Variants in CABP4 observed in about 807,000 individuals in gnomAD.
The protein encoded by CABP4 is calcium-binding protein 4.
In CABP4, 30 loss-of-function variants were observed where a neutral mutation model predicts 30.7. The observed-to-expected ratio is 0.98, with a 90% CI of 0.73 to 1.33. CABP4 has a LOEUF of 1.33. Ranked by LOEUF, CABP4 falls within the 40% of genes most tolerant of loss-of-function variation. The pLI is 0.00. For synonymous variants in CABP4, 161 were observed against 159.2 expected, an observed-to-expected ratio of 1.01 and a Z score of -0.08; for missense variants, 424 against 395.5, an observed-to-expected ratio of 1.07 and a Z score of -0.61.
chr11:67,458,653 C>A lies in CABP4; in HGVS notation c.822C>A (p.Arg274=), dbSNP rs1180725840. The change falls in exon 6 of 6, where the codon CGC becomes CGA. Residue 274 remains arginine (R), a synonymous_variant. Transcript: ENST00000325656. ...CAGAGTTTGTGATGATGCTCTCCCG[C>A]CACTGAGGCTCCAGGAGGGAATATC... ...DFDEFVMMLS[R]H is the part of the protein sequence containing the mutation. 1 of 1,614,050 alleles carries A rather than the reference C, an allele frequency of 6.2e-7. No homozygotes were observed. The highest frequency in any genetic ancestry group is 8.5e-7 in the Non-Finnish European group (1 of 1,180,014).
chr11:67,456,913 C>G (rs919380951), intron 3 of CABP4, among the ~76,000 whole-genome samples: 1 of 152,222 alleles, frequency 6.6e-6, no homozygotes, highest in East Asian at 1.9e-4. Context: ...CTATGCCTTG[C>G]GACTCAGTGT....
intron 3 of CABP4, among the ~76,000 whole-genome samples, chr11:67,456,795 TCACCTGG>T (rs1301188036): frequency 6.6e-6 from 1 of 152,228 alleles, no homozygotes; most frequent in Non-Finnish European, 1.5e-5. Flanking sequence ...CTGATACTAG[TCACCTGG>T]CACCTTCTCT....
upstream of CABP4, chr11:67,453,045 T>G: frequency 5.4e-5 from 13 of 239,954 alleles, no homozygotes; most frequent in Non-Finnish European, 4.9e-5. Flanking sequence ...GACAGGGCCT[T>G]GCTCTATTGC....
chr11:67,455,594 C>T lies in CABP4; in HGVS notation c.171C>T (p.Ser57=). 1 of 1,606,170 alleles carries T rather than the reference C, an allele frequency of 6.2e-7. No homozygotes were observed. Among genetic ancestry groups the T allele is most frequent in the Non-Finnish European group, 8.5e-7 (1 of 1,177,584 alleles). Residue 57 remains serine (S), a synonymous_variant, in exon 1 of 6, where the codon AGC becomes AGT. Transcript: ENST00000325656. ...GLRGSRKRTG[S]SGEQTGPEAP... ...GAGGGTCTCGAAAGCGCACTGGCAG[C>T]TCTGGGGAGCAGACAGGCCCCGAGG...
intron 1 of CABP4, 170 bp downstream of exon 1, chr11:67,455,959 A>G: frequency 8.7e-7 from 1 of 1,152,742 alleles, no homozygotes; most frequent in Non-Finnish European, 1.2e-6. Flanking sequence ...GTCTCGGGCC[A>G]GCGTGGGCGG....
At position 67,455,412 on chromosome 11, in the gene CABP4, T is replaced by C. The variant is rs1264683478; in HGVS notation, c.-12T>C. ...GGGGTGTGGTGTCTCTGAGCCCTGT[T>C]ATCCCTCCCCCATGACCACAGAGCA... On this transcript the variant is annotated 5_prime_UTR_variant, in exon 1 of 6. Transcript: ENST00000325656. 3.7e-6 allele frequency: 6 copies of C among 1,603,034 alleles called. No homozygotes were observed. In the African/African-American group the frequency reaches 4.0e-5, roughly 11 times the overall value.
At chr11:67,457,021 T>G (rs1372009247) in intron 3 of CABP4, among the ~76,000 whole-genome samples, 1 of 152,246 alleles carries the variant, frequency 6.6e-6, no homozygotes, top group Non-Finnish European at 1.5e-5. Flanking sequence ...TTCCTTAAAA[T>G]TCCCAAAATG....
chr11:67,455,344 G>T (rs1174691211), upstream of CABP4: 8 of 1,514,374 alleles, frequency 5.3e-6, no homozygotes, highest in South Asian at 1.1e-4. Flanking sequence ...AAGAGTGGGG[G>T]TGCATAAGCA....
intron 3 of CABP4, among the ~76,000 whole-genome samples, 194 bp downstream of exon 3, chr11:67,456,636 G>C (rs766624537): frequency 2.6e-5 from 4 of 152,182 alleles, no homozygotes; most frequent in Admixed American, 2.0e-4. Context: ...GCGGCCCGGA[G>C]ACCCAGGAGA....
upstream of CABP4, among the ~76,000 whole-genome samples, chr11:67,453,997 G>A (rs1161898781): frequency 6.6e-6 from 1 of 152,150 alleles, no homozygotes; most frequent in African/African-American, 2.4e-5. Context: ...CCTGGGGTCA[G>A]GAGGGCCATC....
At chr11:67,453,013 TTTTC>T (rs1330234598), upstream of CABP4, 51 of 206,190 alleles carry the variant, frequency 2.5e-4, 1 homozygote, top group African/African-American at 2.8e-4. Context: ...TTTTCTTTTC[TTTTC>T]TTTTTTTTTT....
intron 3 of CABP4, among the ~76,000 whole-genome samples, chr11:67,456,902 C>G (rs1591002625): frequency 6.6e-6 from 1 of 152,228 alleles, no homozygotes; most frequent in Non-Finnish European, 1.5e-5. Flanking sequence ...GAGGACCCCA[C>G]CTATGCCTTG....
At chr11:67,452,656 CTCA>C (rs1864604429), upstream of CABP4, 1 of 1,612,560 alleles carries the variant, frequency 6.2e-7, no homozygotes, top group Non-Finnish European at 8.5e-7. Flanking sequence ...GGTAGGAGTC[CTCA>C]TCATCAAGCT....
In CABP4 at chr11:67,458,353, GC is replaced by G. The variant is rs1462540737; in HGVS notation, c.652-17del. 1 of 1,597,084 alleles carries G rather than the reference GC, an allele frequency of 6.3e-7. No homozygotes were observed. Among genetic ancestry groups the G allele is most frequent in the South Asian group, 1.1e-5 (1 of 89,946 alleles). ...GGCAGCTTTGGGTGGGAGGGGCTGA[GC>G]TTTGCGGGGACCTTAGTTTGACAGG... On this transcript the variant is annotated splice_polypyrimidine_tract_variant and intron_variant, in intron 4 of 5. Transcript: ENST00000325656.
chr11:67,454,743 G>T (rs1394740150), upstream of CABP4, among the ~76,000 whole-genome samples: 1 of 152,162 alleles, frequency 6.6e-6, no homozygotes, highest in Non-Finnish European at 1.5e-5. Context: ...GGCCTGGACA[G>T]TCAGACCCTC....
At position 67,458,359 on chromosome 11, in the gene CABP4, C is replaced by G; in HGVS notation, c.652-12C>G. 1 of 1,599,520 alleles carries G rather than the reference C, an allele frequency of 6.3e-7. No homozygotes were observed. The highest frequency in any genetic ancestry group is 8.5e-7 in the Non-Finnish European group (1 of 1,169,950). On this transcript the variant is annotated splice_polypyrimidine_tract_variant and intron_variant, in intron 4 of 5. Coordinates refer to ENST00000325656, the MANE Select transcript of CABP4 (RefSeq NM_145200.5). ...TTTGGGTGGGAGGGGCTGAGCTTTG[C>G]GGGGACCTTAGTTTGACAGGGACAG... is the stretch of plus-strand genomic sequence containing the variant.
Position 67,458,779 on chromosome 11 carries a change from T to G in CABP4, c.*120T>G. On this transcript the variant is annotated 3_prime_UTR_variant, in exon 6 of 6. Coordinates refer to ENST00000325656, the MANE Select transcript of CABP4 (RefSeq NM_145200.5). ...GAGACCCAGCAGCCCCCAGACTACTTCTATCCCTGAAAACACCTGGCCTCA... is the reference window on the plus strand; with the variant it reads ...GAGACCCAGCAGCCCCCAGACTACTGCTATCCCTGAAAACACCTGGCCTCA... 8.1e-7 allele frequency: 1 copy of G among 1,232,868 alleles called. No individual in the cohort carries two copies. The highest frequency in any genetic ancestry group is 1.2e-6 in the Non-Finnish European group (1 of 857,200). The allele number at this position is 1,232,868 out of a possible 1,614,324, so 76.4% of individuals were successfully genotyped here. A position where few individuals can be genotyped will look rare whatever the true frequency, so the allele number is the denominator to read the frequency against.
chr11:67,455,582 G>A lies in CABP4; in HGVS notation c.159G>A (p.Lys53=). Residue 53 remains lysine, a synonymous_variant, in exon 1 of 6, where the codon AAG becomes AAA. Coordinates refer to ENST00000325656, the MANE Select transcript of CABP4 (RefSeq NM_145200.5). The part of the protein sequence containing the change: ...KKERGLRGSR[K]RTGSSGEQTG... The stretch of plus-strand genomic sequence containing the variant: ...AGAGGGGGCTCCGAGGGTCTCGAAA[G>A]CGCACTGGCAGCTCTGGGGAGCAGA... 6.2e-7 allele frequency: 1 copy of A among 1,604,536 alleles called. No individual in the cohort carries two copies. The highest frequency in any genetic ancestry group is 2.2e-5 in the East Asian group (1 of 44,582).
At position 67,460,986 on chromosome 11, in the gene CABP4, GA is replaced by G. The variant is rs766971670; in HGVS notation, c.*2344del. On this transcript the variant is annotated 3_prime_UTR_variant, in exon 6 of 6. Transcript: ENST00000325656. ...GGCTACAGAGCGAGACTCCGTCTCG[GA>G]AAAAAAAAAAAAAAAAGGTCACTGG... Among the ~76,000 whole-genome samples the G allele has an allele frequency of 2.6e-3, 211 of 80,150 alleles. 1 individual carries two copies. Among genetic ancestry groups the G allele is most frequent in the Middle Eastern group, 0.01 (1 of 98 alleles). The allele number at this position is 80,150 out of a possible 152,430, so 52.6% of individuals were successfully genotyped here.
Sources: allele counts gnomAD v4.1 joint callset (sites outside exome capture counted in the v4.1 genomes callset), GRCh38; gene constraint gnomAD v4.1.1; transcripts MANE v1.5; gene names NCBI Gene and HGNC (gene_info 2026-07-23, HGNC 2026-07-21).